The following MED1 variants were observed in gnomAD, a reference collection of about 807,000 sequenced individuals.
The protein encoded by MED1 is mediator of RNA polymerase II transcription subunit 1.
A neutral mutation model predicts 121.3 loss-of-function variants in MED1; 17 were observed. The observed-to-expected ratio is 0.14, with a 90% confidence interval of 0.10 to 0.21. The LOEUF (loss-of-function observed/expected upper bound fraction) is 0.21. Among genes scored for constraint, MED1 ranks in the 10% least tolerant of loss-of-function variants. The probability of loss-of-function intolerance (pLI) is 1.00; values close to 1 mark genes in which losing one functional copy is unlikely to be tolerated. For missense variants in MED1, 1,558 were observed against 1,919.4 expected (o/e 0.81, Z 3.52); for synonymous variants, 661 against 694.4 (o/e 0.95, Z 0.76).
At position 39,410,006 on chromosome 17, in the gene MED1, T is replaced by A. The variant is rs769450117; in HGVS notation, c.2215A>T (p.Thr739Ser). Residue 739 changes from threonine to serine, a missense_variant, in exon 17 of 17, where the codon ACT (threonine) becomes TCT (serine). Thr to Ser is a moderately conservative substitution (Grantham distance 58). Transcript: ENST00000300651. ...GTGCTACACTGGCTTGGAGCTGGAGTGATGTGTGGCGTATCCAGCGTGTCA... is the reference window on the plus strand; with the variant it reads ...GTGCTACACTGGCTTGGAGCTGGAGAGATGTGTGGCGTATCCAGCGTGTCA... ...TADTLDTPHI[T>S]PAPSQCSTPP... 11 of 1,613,818 alleles carry A rather than the reference T, an allele frequency of 6.8e-6. No individual in the cohort carries two copies. Among genetic ancestry groups the A allele is most frequent in the Non-Finnish European group, 9.3e-6 (11 of 1,179,946 alleles).
At chr17:39,447,483 A>AT (rs1203970186) in intron 2 of MED1, among the ~76,000 whole-genome samples, 15 of 152,122 alleles carry the variant, frequency 9.9e-5, no homozygotes, top group African/African-American at 3.6e-4. Context: ...CCTTCAGGCT[A>AT]TATCTATAAG....
chr17:39,410,800 G>A, intron 16 of MED1, 79 bp from the exon 17 acceptor site: 1 of 1,508,374 alleles, frequency 6.6e-7, no homozygotes. Context: ...TAACATCAGA[G>A]TTTTGCAGTA....
At chr17:39,424,198 T>TA (rs2048493154) in intron 11 of MED1, among the ~76,000 whole-genome samples, 1 of 152,128 alleles carries the variant, frequency 6.6e-6, no homozygotes, top group Non-Finnish European at 1.5e-5. Flanking sequence ...CACCTATTCT[T>TA]AAACATGTAT....
chr17:39,425,567 G>C (rs1437294352), intron 10 of MED1, among the ~76,000 whole-genome samples: 1 of 152,154 alleles, frequency 6.6e-6, no homozygotes, highest in East Asian at 1.9e-4. Context: ...ACTTTGGGAG[G>C]CTGAGGCGGG....
chr17:39,428,452 C>G (rs912235008), intron 9 of MED1, among the ~76,000 whole-genome samples: 1 of 151,962 alleles, frequency 6.6e-6, no homozygotes, highest in Non-Finnish European at 1.5e-5. Context: ...CCACTGCACT[C>G]CAGCCCTGGC....
At position 39,423,819 on chromosome 17, in the gene MED1, GTCCTTC is replaced by G; in HGVS notation, c.852-4_853del. The G allele has an allele frequency of 6.3e-7, 1 of 1,597,502 alleles. No individual in the cohort carries two copies. Among genetic ancestry groups the G allele is most frequent in the Admixed American group, 1.8e-5 (1 of 55,188 alleles). The stretch of plus-strand genomic sequence containing the variant: ...ACTGGTGATTGAGGAGAAGGAAGGG[GTCCTTC>G]AAAAAAAAGAGGGTGGAAGGGTTGG... On this transcript the variant is annotated splice_acceptor_variant and splice_polypyrimidine_tract_variant and coding_sequence_variant and intron_variant, in exon 12 of 17. Transcript: ENST00000300651. LOFTEE classifies it high-confidence loss of function.
Position 39,439,212 on chromosome 17 carries a change from A to C in MED1, c.400-19T>G. On this transcript the variant is annotated intron_variant, in intron 5 of 16. Coordinates refer to ENST00000300651, the MANE Select transcript of MED1 (RefSeq NM_004774.4). ...GACAGCTCTGAAATCAAAGAAAATT[A>C]TGTTAAAACATTAAAACTACTTTAG... 1.3e-6 allele frequency: 2 copies of C among 1,574,488 alleles called. No homozygotes were observed. Among genetic ancestry groups the C allele is most frequent in the Non-Finnish European group, 1.7e-6 (2 of 1,169,564 alleles).
intron 3 of MED1, 51 bp downstream of exon 3, chr17:39,443,499 C>G: frequency 6.6e-7 from 1 of 1,519,010 alleles, no homozygotes; most frequent in Non-Finnish European, 9.1e-7. Flanking sequence ...AATGGTCCTT[C>G]TTGAACTGGG....
At chr17:39,414,910 C>T (rs1338107636) in intron 16 of MED1, 116 bp downstream of exon 16, 6 of 837,320 alleles carry the variant, frequency 7.2e-6, no homozygotes, top group South Asian at 2.8e-5. Context: ...CCTCGTGATC[C>T]GCCTGCCTCG....
At chr17:39,435,322 G>A (rs1268397828) in intron 6 of MED1, among the ~76,000 whole-genome samples, 1 of 151,740 alleles carries the variant, frequency 6.6e-6, no homozygotes, top group Non-Finnish European at 1.5e-5. Flanking sequence ...AGAAAATATT[G>A]CTACGACCAG....
At chr17:39,429,815 A>AG (rs534194525) in intron 9 of MED1, among the ~76,000 whole-genome samples, 18 of 151,720 alleles carry the variant, frequency 1.2e-4, no homozygotes, top group Non-Finnish European at 2.1e-4. Context: ...GGCCGGGCGC[A>AG]GTGGCTTATG....
intron 10 of MED1, among the ~76,000 whole-genome samples, chr17:39,425,337 T>C (rs539072529): frequency 6.6e-6 from 1 of 152,218 alleles, no homozygotes; most frequent in South Asian, 2.1e-4. Context: ...ATTACAGGAA[T>C]GCACCACCAT....
At chr17:39,443,192 G>A (rs949206882) in intron 3 of MED1, among the ~76,000 whole-genome samples, 32 of 151,328 alleles carry the variant, frequency 2.1e-4, no homozygotes, top group African/African-American at 7.5e-4. Context: ...AGTAGAGACA[G>A]GGTTTCACCA....
intron 6 of MED1, among the ~76,000 whole-genome samples, chr17:39,435,353 A>C (rs1019255418): frequency 2.6e-5 from 4 of 152,050 alleles, no homozygotes; most frequent in African/African-American, 9.7e-5. Context: ...GAAAACATAA[A>C]CTACTACCGT....
rs2048330943 is a variant in MED1 at position 39,409,102 on chromosome 17, G to A, written c.3119C>T (p.Ser1040Phe). 1 of 1,614,172 alleles carries A rather than the reference G, an allele frequency of 6.2e-7. No homozygotes were observed. The highest frequency in any genetic ancestry group is 8.5e-7 in the Non-Finnish European group (1 of 1,180,030). ...PFTPPTSTGG[S>F]KSPGSAGRSQ... is the part of the protein sequence containing the mutation. ...TCTTCCTGCACTGCCTGGCGATTTAGATCCACCTGTACTGGTAGGTGGGGT... is the reference window on the plus strand; with the variant it reads ...TCTTCCTGCACTGCCTGGCGATTTAAATCCACCTGTACTGGTAGGTGGGGT... Residue 1040 changes from serine to phenylalanine, a missense_variant, in exon 17 of 17, where the codon TCT (serine) becomes TTT (phenylalanine). By Grantham distance (155) the Ser-to-Phe change is radical (BLOSUM62 -2). This residue lies in a region of MED1 where 793 missense variants were observed against 898.2 expected (regional missense o/e 0.88). Coordinates refer to ENST00000300651, the MANE Select transcript of MED1 (RefSeq NM_004774.4).
In MED1 at chr17:39,432,946, G is replaced by T. The variant is rs551057254; in HGVS notation, c.501-930C>A. ...CAGGTGGCTGGGCGCAATGTCTCAC[G>T]CCTATAATCCAAGCACTCTGGGAGG... On this transcript the variant is annotated intron_variant, in intron 7 of 16. Transcript: ENST00000300651. 5.3e-5 allele frequency among the ~76,000 whole-genome samples: 8 copies of T among 152,146 alleles called. No individual in the cohort carries two copies. In the East Asian group the frequency reaches 1.6e-3, roughly 30 times the overall value.
At chr17:39,427,026 T>C (rs1567646500) in intron 10 of MED1, among the ~76,000 whole-genome samples, 1 of 151,918 alleles carries the variant, frequency 6.6e-6, no homozygotes, top group Non-Finnish European at 1.5e-5. Flanking sequence ...GCTCAAGCAA[T>C]CCTCCCGCCC....
Position 39,440,822 on chromosome 17 carries a change from T to G in MED1, c.212-145A>C. On this transcript the variant is annotated intron_variant, in intron 3 of 16. Coordinates refer to ENST00000300651, the MANE Select transcript of MED1 (RefSeq NM_004774.4). The surrounding 1 kb of genome is among the most constrained non-coding windows in gnomAD (Gnocchi z 4.1). ...TGTAATTTACATAAAGTTCACTGAT[T>G]AGGGTTAGCTGTGGCCTATGCAGTA... 1.3e-6 allele frequency: 1 copy of G among 797,640 alleles called. No homozygotes were observed. The highest frequency in any genetic ancestry group is 2.0e-6 in the Non-Finnish European group (1 of 492,798). 49.4% of individuals were successfully genotyped at this position (797,640 alleles called of 1,614,324 possible). A position where few individuals can be genotyped will look rare whatever the true frequency, so the allele number is the denominator to read the frequency against.
Position 39,451,185 on chromosome 17 carries a change from G to C in MED1, c.-123C>G. ...GCACCAGCAGTCCCTACTCTTCCCG[G>C]GAAGGATCAATCTGAAGTCCCCGGC... On this transcript the variant is annotated 5_prime_UTR_variant, in exon 1 of 17. Coordinates refer to ENST00000300651, the MANE Select transcript of MED1 (RefSeq NM_004774.4). The C allele has an allele frequency of 8.8e-7, 1 of 1,130,390 alleles. No homozygotes were observed. Among genetic ancestry groups the C allele is most frequent in the South Asian group, 1.4e-5 (1 of 72,584 alleles). 70.0% of individuals were successfully genotyped at this position (1,130,390 alleles called of 1,614,324 possible).
Sources: allele counts gnomAD v4.1 joint callset (sites outside exome capture counted in the v4.1 genomes callset), GRCh38; gene constraint gnomAD v4.1.1; regional missense constraint gnomAD v4.1.1; non-coding constraint Gnocchi (gnomAD v3.1); transcripts MANE v1.5; gene names NCBI Gene and HGNC (gene_info 2026-07-23, HGNC 2026-07-21).